The following TMEM245 variants were observed in gnomAD, a reference collection of about 807,000 sequenced individuals.
The protein encoded by TMEM245 is transmembrane protein 245.
Under a neutral mutation model 101.2 loss-of-function variants are expected in TMEM245, and 69 were observed. That is an observed-to-expected ratio of 0.68 (90% CI 0.56 to 0.83). The LOEUF is 0.83. Among genes scored for constraint, TMEM245 ranks in the 40% least tolerant of loss-of-function variants. The pLI is 0.00. For missense variants in TMEM245, 1,075 were observed against 1,092.8 expected (o/e 0.98, Z 0.23); for synonymous variants, 537 against 449.8 (o/e 1.19, Z -2.45).
At chr9:109,115,720 G>T (rs940275619) in intron 1 of TMEM245, among the ~76,000 whole-genome samples, 2 of 151,706 alleles carry the variant, frequency 1.3e-5, no homozygotes, top group African/African-American at 4.8e-5. Context: ...AGTAGAGACG[G>T]GGTTTCACCA....
At chr9:109,095,694 T>C (rs1830122178) in intron 3 of TMEM245, among the ~76,000 whole-genome samples, 1 of 152,176 alleles carries the variant, frequency 6.6e-6, no homozygotes, top group South Asian at 2.1e-4. Flanking sequence ...AGTATACTCA[T>C]ATGCAGTTGC....
chr9:109,117,748 C>T (rs1830764815), intron 1 of TMEM245, among the ~76,000 whole-genome samples: 1 of 152,208 alleles, frequency 6.6e-6, no homozygotes, highest in African/African-American at 2.4e-5. Context: ...TTCTACTTTC[C>T]TATAGTTTGA....
chr9:109,076,826 G>A (rs924812558), intron 8 of TMEM245, among the ~76,000 whole-genome samples: 9 of 152,042 alleles, frequency 5.9e-5, no homozygotes, highest in Admixed American at 3.9e-4. Context: ...AAGTAGCTGG[G>A]ACTACAGAAA....
chr9:109,017,092 C>T lies in TMEM245; in HGVS notation c.*3368G>A, dbSNP rs1827469032. 6.6e-6 allele frequency: 1 copy of T among 152,180 alleles called. No homozygotes were observed. The highest frequency in any genetic ancestry group is 1.5e-5 in the Non-Finnish European group (1 of 68,040). The allele number at this position is 152,180 out of a possible 1,614,324, so 9.4% of individuals were successfully genotyped here. On this transcript the variant is annotated 3_prime_UTR_variant, in exon 18 of 18. Coordinates refer to ENST00000374586, the MANE Select transcript of TMEM245 (RefSeq NM_032012.4). ...GGCACTAATATAACCCAAATGGAAA[C>T]TACAGGTCCTAGGAAATCCAGATAG...
intron 12 of TMEM245, 94 bp from the exon 13 acceptor site, chr9:109,050,786 C>A: frequency 1.5e-6 from 2 of 1,331,844 alleles, no homozygotes; most frequent in Non-Finnish European, 1.0e-6. Context: ...GTTTTAGTAC[C>A]ATGAACTGAA....
chr9:109,059,085 G>A (rs753150062), intron 11 of TMEM245, among the ~76,000 whole-genome samples: 1 of 152,054 alleles, frequency 6.6e-6, no homozygotes, highest in Non-Finnish European at 1.5e-5. Flanking sequence ...GAGGTGTGAG[G>A]GGTAATAAAA....
chr9:109,053,225 AGACC>A (rs1828737935), intron 12 of TMEM245, among the ~76,000 whole-genome samples: 1 of 152,204 alleles, frequency 6.6e-6, no homozygotes, highest in Non-Finnish European at 1.5e-5. Context: ...CAGGAGTTTG[AGACC>A]AGCCTGGCCA....
chr9:109,022,181 A>T (rs1231098632), intron 17 of TMEM245, among the ~76,000 whole-genome samples: 1 of 152,198 alleles, frequency 6.6e-6, no homozygotes, highest in Non-Finnish European at 1.5e-5. Flanking sequence ...ATTACCTTTA[A>T]GGATGTTCAG....
chr9:109,025,888 T>C (rs56145564), intron 17 of TMEM245, among the ~76,000 whole-genome samples: 8,817 of 152,286 alleles, frequency 0.058, 429 homozygotes, highest in East Asian at 0.17. Context: ...CTATCAACAG[T>C]GAGCAGCAGA....
intron 12 of TMEM245, among the ~76,000 whole-genome samples, chr9:109,051,799 T>C (rs1033218504): frequency 6.6e-6 from 1 of 152,170 alleles, no homozygotes; most frequent in Non-Finnish European, 1.5e-5. Flanking sequence ...GAAATTCCAG[T>C]ATTTGCTTTA....
chr9:109,108,623 T>G, intron 1 of TMEM245, 53 bp from the exon 2 acceptor site: 112 of 1,176,356 alleles, frequency 9.5e-5, no homozygotes, highest in Non-Finnish European at 1.3e-4. Flanking sequence ...AAAATGAACA[T>G]ACAATTATAC....
rs543719676 is a variant in TMEM245, at chr9:109,095,754, G to C, written c.800-2163C>G. On this transcript the variant is annotated intron_variant, in intron 3 of 17. Coordinates refer to ENST00000374586, the MANE Select transcript of TMEM245 (RefSeq NM_032012.4). The stretch of plus-strand genomic sequence containing the variant: ...ATTTGTCCAGTTTCCCCTGACACAA[G>C]ATACAGAACAGCATCATCACTATAA... 2.7e-4 allele frequency among the ~76,000 whole-genome samples: 41 copies of C among 152,264 alleles called. 1 individual carries two copies. The highest frequency in any genetic ancestry group is 2.6e-3 in the Admixed American group (40 of 15,298).
At chr9:109,022,509 C>CTATCTATCTA in intron 17 of TMEM245, among the ~76,000 whole-genome samples, 2 of 78,316 alleles carry the variant, frequency 2.6e-5, no homozygotes, top group African/African-American at 8.5e-5. Flanking sequence ...CTATCTATCT[C>CTATCTATCTA]AAATCAGTGT....
At chr9:109,083,355 C>T (rs777754700) in intron 7 of TMEM245, among the ~76,000 whole-genome samples, 2 of 152,186 alleles carry the variant, frequency 1.3e-5, no homozygotes, top group Non-Finnish European at 2.9e-5. Context: ...GATCCTGTCC[C>T]ACGTTCTGCT....
chr9:109,079,314 C>A (rs117955511), intron 8 of TMEM245, among the ~76,000 whole-genome samples: 1,530 of 151,972 alleles, frequency 0.01, 10 homozygotes, highest in Non-Finnish European at 0.013. Context: ...GATTTTCTGG[C>A]AAACTGGATG....
At chr9:109,113,524 C>A (rs1316202219) in intron 1 of TMEM245, among the ~76,000 whole-genome samples, 2 of 152,188 alleles carry the variant, frequency 1.3e-5, no homozygotes, top group Non-Finnish European at 2.9e-5. Context: ...CTAGACACTA[C>A]ATAAGACTGC....
At chr9:109,051,288 G>A (rs1053342243) in intron 12 of TMEM245, among the ~76,000 whole-genome samples, 2 of 103,698 alleles carry the variant, frequency 1.9e-5, no homozygotes, top group African/African-American at 8.9e-5. Flanking sequence ...GCAAAACTCT[G>A]TCTCAAAACA....
At position 109,075,751 on chromosome 9, in the gene TMEM245, G is replaced by A. The variant is rs568620169; in HGVS notation, c.1450-2313C>T. Among the ~76,000 whole-genome samples the A allele has an allele frequency of 1.7e-3, 255 of 152,184 alleles. 1 individual carries two copies. The highest frequency in any genetic ancestry group is 5.8e-3 in the African/African-American group (243 of 41,540). On this transcript the variant is annotated intron_variant, in intron 8 of 17. Coordinates refer to ENST00000374586, the MANE Select transcript of TMEM245 (RefSeq NM_032012.4). The stretch of plus-strand genomic sequence containing the variant: ...ATCTTCTTTTTTCTTCATCAGTCTG[G>A]CTAAAATTTTGTCAATTTTATTGAT...
chr9:109,103,884 G>A (rs944519321), intron 3 of TMEM245, among the ~76,000 whole-genome samples: 12 of 152,024 alleles, frequency 7.9e-5, no homozygotes, highest in Admixed American at 4.6e-4. Flanking sequence ...TCAGGAGTTC[G>A]AGACCAGCCT....
Sources: allele counts gnomAD v4.1 joint callset (sites outside exome capture counted in the v4.1 genomes callset), GRCh38; gene constraint gnomAD v4.1.1; transcripts MANE v1.5; gene names NCBI Gene and HGNC (gene_info 2026-07-23, HGNC 2026-07-21).